Variants in FAM228B observed in about 807,000 individuals in gnomAD.
FAM228B encodes the protein family with sequence similarity 228 member B, also known as protein FAM228B.
FAM228B carries 38 observed loss-of-function variants against 42.6 expected under a neutral mutation model. That is an observed-to-expected ratio of 0.89 (90% CI 0.69 to 1.17). FAM228B has a LOEUF of 1.17. Among genes scored for constraint, FAM228B ranks in the 50% most tolerant of loss-of-function variants. The pLI is 0.00. For synonymous variants in FAM228B, 109 were observed against 122.3 expected (o/e 0.89, Z 0.72); for missense variants, 344 against 367.3 (o/e 0.94, Z 0.52).
Position 24,080,696 on chromosome 2 carries a change from G to A in FAM228B, c.-289-180G>A. 8.5e-7 allele frequency: 1 copy of A among 1,171,390 alleles called. No individual in the cohort carries two copies. Among genetic ancestry groups the A allele is most frequent in the Non-Finnish European group, 1.2e-6 (1 of 804,996 alleles). 72.6% of individuals were successfully genotyped at this position (1,171,390 alleles called of 1,614,324 possible). ...ATACCATAGTACTAGAATTTGGCCA[G>A]GGCAGCTGTTGTGCACTTAGCAGAG... On this transcript the variant is annotated intron_variant, in intron 1 of 10. Coordinates refer to the FAM228B transcript ENST00000613899. The surrounding 1 kb of genome is among the most constrained non-coding windows in gnomAD (Gnocchi z 4.7).
At chr2:24,110,862 G>T (rs1052828783) in intron 3 of FAM228B, among the ~76,000 whole-genome samples, 1 of 152,154 alleles carries the variant, frequency 6.6e-6, no homozygotes, top group Non-Finnish European at 1.5e-5. Flanking sequence ...GTGGGGACAG[G>T]CTTGTGGGAA....
chr2:24,084,205 C>T lies in FAM228B; in HGVS notation c.-210+3250C>T, dbSNP rs915031723. 6.2e-7 allele frequency: 1 copy of T among 1,613,142 alleles called. No individual in the cohort carries two copies. Among genetic ancestry groups the T allele is most frequent in the Admixed American group, 1.7e-5 (1 of 59,968 alleles). ...CCTGGGTACCTGCATTAAGTCCGCC[C>T]GGTTCAGGGCGCTGGCCGCCACCTT... On this transcript the variant is annotated intron_variant, in intron 2 of 10. Transcript: ENST00000613899. This position sits in a 1 kb window ranked among gnomAD's most constrained non-coding sequence, Gnocchi z 8.4.
At chr2:24,109,941 C>T (rs1371886301) in intron 3 of FAM228B, among the ~76,000 whole-genome samples, 1 of 152,088 alleles carries the variant, frequency 6.6e-6, no homozygotes, top group South Asian at 2.1e-4. Context: ...GGGTATATAC[C>T]CAAAAGAATA....
At chr2:24,081,790 C>A (rs1665015592) in intron 2 of FAM228B, among the ~76,000 whole-genome samples, 1 of 149,614 alleles carries the variant, frequency 6.7e-6, no homozygotes, top group African/African-American at 2.5e-5. Flanking sequence ...ACCCCCCCTG[C>A]GTTCATGCCA....
intron 2 of FAM228B, among the ~76,000 whole-genome samples, chr2:24,092,531 C>T (rs1000957409): frequency 6.7e-6 from 1 of 148,350 alleles, no homozygotes; most frequent in Non-Finnish European, 1.5e-5. Context: ...GCCGAGATCG[C>T]GCCCTGCACT....
At chr2:24,116,253 G>A (rs535073766) in intron 3 of FAM228B, among the ~76,000 whole-genome samples, 28 of 151,832 alleles carry the variant, frequency 1.8e-4, no homozygotes, top group Admixed American at 4.6e-4. Flanking sequence ...GCTTGAACCC[G>A]GGAGGCAGAG....
At chr2:24,152,428 TGTA>T (rs918056754) in intron 7 of FAM228B, among the ~76,000 whole-genome samples, 62 of 152,344 alleles carry the variant, frequency 4.1e-4, no homozygotes, top group African/African-American at 1.4e-3. Flanking sequence ...AGTTAGGTAA[TGTA>T]GTCTTTACAT....
At chr2:24,087,777 A>ATTT (rs34256592) in intron 2 of FAM228B, among the ~76,000 whole-genome samples, 10 of 128,196 alleles carry the variant, frequency 7.8e-5, no homozygotes, top group Non-Finnish European at 1.2e-4. Flanking sequence ...CACCAGGGTA[A>ATTT]TTTTTTTTTT....
intron 5 of FAM228B, among the ~76,000 whole-genome samples, 200 bp from the exon 6 acceptor site, chr2:24,146,548 G>A (rs1315601371): frequency 3.9e-5 from 6 of 152,192 alleles, no homozygotes; most frequent in East Asian, 1.9e-4. Flanking sequence ...TGACTGGAGG[G>A]CCTTTAAGAG....
chr2:24,157,595 G>A (rs557830940), intron 7 of FAM228B, among the ~76,000 whole-genome samples: 162 of 152,058 alleles, frequency 1.1e-3, no homozygotes, highest in African/African-American at 3.7e-3. Context: ...AAAAATAGCC[G>A]GGCCTGGTGG....
chr2:24,106,081 G>C lies in FAM228B; in HGVS notation c.-121+10852G>C, dbSNP rs574011803. Reference sequence around the variant, plus strand: ...CATGAAAATTTCCTGAAGCTTGTTAGAGAGGCCAACATTCAAATCCAGGAA... The same window carrying C: ...CATGAAAATTTCCTGAAGCTTGTTACAGAGGCCAACATTCAAATCCAGGAA... On this transcript the variant is annotated intron_variant, in intron 3 of 10. Coordinates refer to the FAM228B transcript ENST00000613899. 1.4e-4 allele frequency among the ~76,000 whole-genome samples: 21 copies of C among 152,228 alleles called. No individual in the cohort carries two copies. In the South Asian group the frequency reaches 4.3e-3, roughly 32 times the overall value.
chr2:24,117,108 C>A (rs1299147144), intron 3 of FAM228B, among the ~76,000 whole-genome samples: 1 of 149,294 alleles, frequency 6.7e-6, no homozygotes, highest in African/African-American at 2.5e-5. Context: ...CTCTGCCTCT[C>A]CGTTCAAGTG....
chr2:24,091,066 A>G (rs976113723), intron 2 of FAM228B, among the ~76,000 whole-genome samples: 1 of 150,892 alleles, frequency 6.6e-6, no homozygotes, highest in Non-Finnish European at 1.5e-5. Context: ...ACAATAAGAT[A>G]AAAAACGAGG....
intron 10 of FAM228B, chr2:24,167,938 T>C (rs1374586901): frequency 5.0e-6 from 2 of 403,468 alleles, no homozygotes; most frequent in Non-Finnish European, 9.2e-6. Flanking sequence ...AAATTCCTAT[T>C]GCTTGGAATT....
intron 5 of FAM228B, among the ~76,000 whole-genome samples, chr2:24,142,306 AC>A (rs1418415051): frequency 6.6e-6 from 1 of 152,174 alleles, no homozygotes; most frequent in Non-Finnish European, 1.5e-5. Context: ...CTGGCTTCAG[AC>A]CAACCCAAAT....
chr2:24,161,505 G>T lies in FAM228B; in HGVS notation c.687-1G>T, dbSNP rs768837519. 2.5e-4 allele frequency: 378 copies of T among 1,495,902 alleles called. No homozygotes were observed. The highest frequency in any genetic ancestry group is 2.9e-4 in the Non-Finnish European group (319 of 1,098,066). The allele number at this position is 1,495,902 out of a possible 1,614,324, so 92.7% of individuals were successfully genotyped here. A position where few individuals can be genotyped will look rare whatever the true frequency, so the allele number is the denominator to read the frequency against. ...TTCTCACACTTGTTATCTTGTTAAAGGTTAAAGGTGAAAGTGAATTTTAAT... is the reference window on the plus strand; with the variant it reads ...TTCTCACACTTGTTATCTTGTTAAATGTTAAAGGTGAAAGTGAATTTTAAT... On this transcript the variant is annotated splice_acceptor_variant, in intron 7 of 10. Transcript: ENST00000615575. LOFTEE classifies it high-confidence loss of function.
intron 7 of FAM228B, among the ~76,000 whole-genome samples, chr2:24,160,751 A>C (rs1667266751): frequency 6.6e-6 from 1 of 152,198 alleles, no homozygotes; most frequent in African/African-American, 2.4e-5. Flanking sequence ...ACGCAGGGCC[A>C]ATATCACCCT....
rs188439801 is a variant in FAM228B, at chr2:24,077,138, G to A, written c.-290+169G>A. On this transcript the variant is annotated intron_variant, in intron 1 of 10. Coordinates refer to the FAM228B transcript ENST00000613899. The surrounding 1 kb of genome is among the most constrained non-coding windows in gnomAD (Gnocchi z 5.5). Reference sequence around the variant, plus strand: ...AGGAGGGCGGCGAGAGGTGGGGTGGGGCCCAGGTGAGTAGCGGGCAGGGCT... The same window carrying A: ...AGGAGGGCGGCGAGAGGTGGGGTGGAGCCCAGGTGAGTAGCGGGCAGGGCT... Among the ~76,000 whole-genome samples, 19 of 151,998 alleles carry A rather than the reference G, an allele frequency of 1.3e-4. No individual in the cohort carries two copies. The highest frequency in any genetic ancestry group is 4.1e-4 in the African/African-American group (17 of 41,384).
At chr2:24,135,432 C>G (rs550528337) in intron 3 of FAM228B, among the ~76,000 whole-genome samples, 2 of 152,146 alleles carry the variant, frequency 1.3e-5, no homozygotes, top group Non-Finnish European at 2.9e-5. Context: ...TCACTTGTTT[C>G]TTTGTCTTAG....
Sources: gnomAD v4.1 joint callset for allele counts (sites outside exome capture counted in the v4.1 genomes callset) on GRCh38, gnomAD v4.1.1 for gene constraint, Gnocchi (gnomAD v3.1) non-coding constraint, MANE v1.5 for transcripts, NCBI Gene and HGNC (gene_info 2026-07-23, HGNC 2026-07-21) for gene names.